RPL4: variants seen among roughly 807,000 people sequenced by gnomAD.
The protein encoded by RPL4 is ribosomal protein L4.
A neutral mutation model predicts 47.7 loss-of-function variants in RPL4; 3 were observed. That is an observed-to-expected ratio of 0.06 (90% CI 0.03 to 0.16). The LOEUF is 0.16. RPL4 is among the 10% of genes least tolerant of loss of function. The pLI is 1.00. For missense variants in RPL4, 413 were observed against 551.3 expected (o/e 0.75, Z 2.51); for synonymous variants, 208 against 182.1 (o/e 1.14, Z -1.15).
chr15:66,499,571 T>C lies in RPL4; in HGVS notation c.1120A>G (p.Lys374Glu), dbSNP rs1893561655. ...KSDEKAAVAG[K>E]KPVVGKKGKK... is the part of the protein sequence containing the mutation. ...CCTTTCTTACCTACCACAGGCTTCT[T>C]GCCTGCAACCGCCGCCTTCTCATCT... The change falls in exon 10 of 10, where the codon AAG becomes GAG. Residue 374 changes from lysine to glutamate, a missense_variant. Physicochemically the swap from Lys to Glu is moderately conservative, Grantham distance 56. Coordinates refer to ENST00000307961, the MANE Select transcript of RPL4 (RefSeq NM_000968.4). The C allele has an allele frequency of 6.2e-7, 1 of 1,613,882 alleles. No individual in the cohort carries two copies.
rs766326865 is a variant in RPL4 at position 66,501,290 on chromosome 15, G to A, written c.676+85C>T. 36 of 1,591,486 alleles carry A rather than the reference G, an allele frequency of 2.3e-5. No homozygotes were observed. The African/African-American group carries it at 2.8e-4, about 12-fold the overall frequency. On this transcript the variant is annotated intron_variant, in intron 6 of 9. Coordinates refer to ENST00000307961, the MANE Select transcript of RPL4 (RefSeq NM_000968.4). The stretch of plus-strand genomic sequence containing the variant: ...ACAAAATCATTTGTTTCAGAAACAC[G>A]GACCTTAAGTGGAATCTCATCATAA...
intron 3 of RPL4, 81 bp from the exon 4 acceptor site, chr15:66,502,831 T>C: frequency 6.2e-7 from 1 of 1,604,242 alleles, no homozygotes; most frequent in South Asian, 1.1e-5. Flanking sequence ...AGAATTTTCG[T>C]CAACCTTCTG....
intron 6 of RPL4, 100 bp downstream of exon 6, chr15:66,501,275 T>G (rs12905087): frequency 0.067 from 106,835 of 1,585,144 alleles, 4,096 homozygotes; most frequent in Middle Eastern, 0.12. Flanking sequence ...ACAAAATCAT[T>G]TGTTTCAGAA....
At chr15:66,499,755 G>A in intron 9 of RPL4, 103 bp from the exon 10 acceptor site, 1 of 1,498,638 alleles carries the variant, frequency 6.7e-7, no homozygotes, top group South Asian at 1.3e-5. Flanking sequence ...CGGGCACGGT[G>A]GCTCACGCCT....
At position 66,502,290 on chromosome 15, in the gene RPL4, C is replaced by G. The variant is rs148702774; in HGVS notation, c.421+322G>C. 2.2e-4 allele frequency: 83 copies of G among 376,534 alleles called. No homozygotes were observed. In the East Asian group the frequency reaches 4.5e-3, roughly 21 times the overall value. 23.3% of individuals were successfully genotyped at this position (376,534 alleles called of 1,614,324 possible). On this transcript the variant is annotated intron_variant, in intron 4 of 9. Coordinates refer to ENST00000307961, the MANE Select transcript of RPL4 (RefSeq NM_000968.4). ...GACACTTCAGAATGAAAAGAATGTG[C>G]AATTTTAACAAAGGTTCACGTGAAA... is the stretch of plus-strand genomic sequence containing the variant.
Position 66,498,808 on chromosome 15 carries a change from G to T in RPL4, c.*599C>A, listed in dbSNP as rs983826767. 1.3e-5 allele frequency: 2 copies of T among 153,030 alleles called. No homozygotes were observed. Among genetic ancestry groups the T allele is most frequent in the Non-Finnish European group, 2.9e-5 (2 of 68,726 alleles). The allele number at this position is 153,030 out of a possible 1,614,324, so 9.5% of individuals were successfully genotyped here. On this transcript the variant is annotated 3_prime_UTR_variant, in exon 10 of 10. Coordinates refer to ENST00000307961, the MANE Select transcript of RPL4 (RefSeq NM_000968.4). ...AGATTTCATCATGTTGACCAGGCTG[G>T]TCTTGAACTCATTGGCTCAAGTGCT...
Position 66,500,085 on chromosome 15 carries a change from G to C in RPL4, c.1009C>G (p.Arg337Gly), listed in dbSNP as rs765002430. The part of the protein sequence containing the change: ...KLNPYAKTMR[R>G]NTILRQARNH... ...CTGGCCTGGCGAAGAATGGTGTTCC[G>C]GCGCATGGTCTTTGCATATGGGTTT... Residue 337 changes from arginine (R) to glycine (G), a missense_variant, in exon 9 of 10, where the codon CGG becomes GGG. Arg to Gly is a moderately radical substitution (Grantham distance 125). Coordinates refer to ENST00000307961, the MANE Select transcript of RPL4 (RefSeq NM_000968.4). The C allele has an allele frequency of 6.2e-7, 1 of 1,612,004 alleles. No individual in the cohort carries two copies. The highest frequency in any genetic ancestry group is 1.7e-5 in the Admixed American group (1 of 59,976).
chr15:66,503,172 TGAG>T lies in RPL4; in HGVS notation c.176-11_176-9del. 1 of 1,613,216 alleles carries T rather than the reference TGAG, an allele frequency of 6.2e-7. No homozygotes were observed. Among genetic ancestry groups the T allele is most frequent in the Non-Finnish European group, 8.5e-7 (1 of 1,179,342 alleles). ...CAGCACTAGTCTGATGACCTAAAAT[TGAG>T]AAGAGATAAAAGTTGTAGCTGCTTC... On this transcript the variant is annotated splice_polypyrimidine_tract_variant and intron_variant, in intron 2 of 9. Coordinates refer to ENST00000307961, the MANE Select transcript of RPL4 (RefSeq NM_000968.4).
Position 66,502,873 on chromosome 15 carries a change from T to G in RPL4, c.283-123A>C, listed in dbSNP as rs780228236. On this transcript the variant is annotated intron_variant, in intron 3 of 9. Coordinates refer to ENST00000307961, the MANE Select transcript of RPL4 (RefSeq NM_000968.4). ...CTTACTGACAGCAGGCAACTGTCGCTGAGAACAGAGTAAGACGCAAATTAC... is the reference window on the plus strand; with the variant it reads ...CTTACTGACAGCAGGCAACTGTCGCGGAGAACAGAGTAAGACGCAAATTAC... 3 of 1,487,492 alleles carry G rather than the reference T, an allele frequency of 2.0e-6. No homozygotes were observed. In the South Asian group the frequency reaches 3.4e-5, roughly 17 times the overall value. The allele number at this position is 1,487,492 out of a possible 1,614,324, so 92.1% of individuals were successfully genotyped here.
At chr15:66,502,962 G>T in intron 3 of RPL4, 96 bp downstream of exon 3, 2 of 1,360,750 alleles carry the variant, frequency 1.5e-6, no homozygotes, top group Non-Finnish European at 2.1e-6. Flanking sequence ...ACAAAAAAAA[G>T]TAATATTTTT....
intron 7 of RPL4, 173 bp downstream of exon 7, chr15:66,500,776 T>A: frequency 1.4e-6 from 1 of 729,086 alleles, no homozygotes. Flanking sequence ...AGAACAACTC[T>A]GTCTCAAAAA....
intron 1 of RPL4, among the ~76,000 whole-genome samples, chr15:66,503,884 ACTCACC>A (rs1318545978): frequency 1.3e-5 from 2 of 151,876 alleles, no homozygotes; most frequent in Non-Finnish European, 2.9e-5. Flanking sequence ...TCCCTGTCCC[ACTCACC>A]CTCACCCTCT....
chr15:66,501,261 T>C, intron 6 of RPL4, 114 bp downstream of exon 6: 1 of 1,575,218 alleles, frequency 6.3e-7, no homozygotes, highest in Non-Finnish European at 8.7e-7. Context: ...AAATCAGAAC[T>C]TCCACAAAAT....
At chr15:66,501,243 T>TCA in intron 6 of RPL4, 132 bp downstream of exon 6, 1 of 1,554,878 alleles carries the variant, frequency 6.4e-7, no homozygotes, top group Non-Finnish European at 8.9e-7. Flanking sequence ...TGCAACTCTT[T>TCA]CAGCCATAAA....
intron 8 of RPL4, 52 bp from the exon 9 acceptor site, chr15:66,500,228 C>G (rs375300756): frequency 1.2e-6 from 2 of 1,613,414 alleles, no homozygotes; most frequent in South Asian, 2.2e-5. Context: ...TATACACATA[C>G]AAATTTTTGA....
Position 66,498,990 on chromosome 15 carries a change from C to A in RPL4, c.*417G>T. ...GAGGTAATCAATTTTACTGCAGTAC[C>A]AAAAAAATTGTGCTCTCCAGTTGTG... On this transcript the variant is annotated 3_prime_UTR_variant, in exon 10 of 10. Coordinates refer to ENST00000307961, the MANE Select transcript of RPL4 (RefSeq NM_000968.4). 6.0e-6 allele frequency: 1 copy of A among 167,674 alleles called. No individual in the cohort carries two copies. The highest frequency in any genetic ancestry group is 1.3e-5 in the Non-Finnish European group (1 of 77,360). The allele number at this position is 167,674 out of a possible 1,614,324, so 10.4% of individuals were successfully genotyped here.
chr15:66,501,340 T>C (rs1893610058), intron 6 of RPL4, 35 bp downstream of exon 6: 1 of 1,613,482 alleles, frequency 6.2e-7, no homozygotes, highest in African/African-American at 1.3e-5. Flanking sequence ...ACTTGCAGAG[T>C]ATACCTAGTC....
rs761021184 is a variant in RPL4, at chr15:66,499,436, T to C, written c.1255A>G (p.Thr419Ala). ...GCAGCAGGCTTCTTCTCCTCTGTAG[T>C]AGGTTTCTTCTCTGCAGGCTTCTTT... ...PEKKPAEKKP[T>A]TEEKKPAA The change falls in exon 10 of 10, where the codon ACT (threonine) becomes GCT (alanine). Residue 419 changes from threonine (T) to alanine (A), a missense_variant. Around this residue, in one of 4 missense-constraint regions of RPL4, gnomAD observed 134 missense variants for 122.7 expected, o/e 1.09. Transcript: ENST00000307961. 36 of 1,611,640 alleles carry C rather than the reference T, an allele frequency of 2.2e-5. 1 individual carries two copies. The Middle Eastern group carries it at 1.6e-3, about 71-fold the overall frequency.
rs373826256 is a variant in RPL4, at chr15:66,504,827, G to A, written c.-37C>T. 1.2e-5 allele frequency: 20 copies of A among 1,608,660 alleles called. No homozygotes were observed. In the African/African-American group the frequency reaches 1.7e-4, roughly 14 times the overall value. ...GAGACAGCCACGCTCCTCTCAGCCC[G>A]GCTGCTGCCACAGGAAAAGGAAGTG... On this transcript the variant is annotated 5_prime_UTR_variant, in exon 1 of 10. Transcript: ENST00000307961.
Sources: allele counts gnomAD v4.1 joint callset (sites outside exome capture counted in the v4.1 genomes callset), GRCh38; gene constraint gnomAD v4.1.1; regional missense constraint gnomAD v4.1.1; transcripts MANE v1.5; gene names NCBI Gene and HGNC (gene_info 2026-07-23, HGNC 2026-07-21).